The following DLC1 variants were observed in gnomAD, a reference collection of about 807,000 sequenced individuals.
DLC1 encodes the protein rho GTPase-activating protein 7.
DLC1 carries 54 observed loss-of-function variants against 140.3 expected under a neutral mutation model. That is an observed-to-expected ratio of 0.38 (90% CI 0.31 to 0.48). The LOEUF is 0.48. Among genes scored for constraint, DLC1 ranks in the 20% least tolerant of loss-of-function variants. The pLI is 0.96. For synonymous variants in DLC1, 986 were observed against 728.1 expected (o/e 1.35, Z -5.70); for missense variants, 2,536 against 1,907.0 (o/e 1.33, Z -6.14).
intron 5 of DLC1, among the ~76,000 whole-genome samples, chr8:13,136,693 T>A (rs888452688): frequency 6.6e-6 from 1 of 152,084 alleles, no homozygotes; most frequent in African/African-American, 2.4e-5. Flanking sequence ...TGCCACCACA[T>A]CTGGCTAATT....
chr8:13,163,157 C>G (rs1201670399), intron 5 of DLC1, among the ~76,000 whole-genome samples: 2 of 152,122 alleles, frequency 1.3e-5, no homozygotes, highest in Non-Finnish European at 2.9e-5. Context: ...TGTTACTTGG[C>G]TCATAGTCAG....
chr8:13,491,754 A>G (rs1165862235), intron 2 of DLC1, among the ~76,000 whole-genome samples: 5 of 152,164 alleles, frequency 3.3e-5, no homozygotes, highest in African/African-American at 9.7e-5. Flanking sequence ...TTAGCACAGA[A>G]CTAGCAGGCA....
chr8:13,518,223 C>T (rs1371836458), upstream of DLC1, among the ~76,000 whole-genome samples: 4 of 152,132 alleles, frequency 2.6e-5, no homozygotes, highest in African/African-American at 4.8e-5. Context: ...AATCTCCTGC[C>T]TCCATCTCCT....
intron 4 of DLC1, among the ~76,000 whole-genome samples, chr8:13,312,430 A>C (rs898720646): frequency 6.7e-6 from 1 of 150,096 alleles, no homozygotes; most frequent in African/African-American, 2.4e-5. Flanking sequence ...GAGCCCCATG[A>C]CTGGGCCACA....
intron 1 of DLC1, among the ~76,000 whole-genome samples, chr8:13,560,778 G>A (rs1453238610): frequency 6.6e-6 from 1 of 151,900 alleles, no homozygotes; most frequent in African/African-American, 2.4e-5. Flanking sequence ...GGGGGGGGAG[G>A]GAAAAAGGAA....
chr8:13,139,466 G>T (rs1822814008), intron 5 of DLC1, among the ~76,000 whole-genome samples: 1 of 152,100 alleles, frequency 6.6e-6, no homozygotes, highest in African/African-American at 2.4e-5. Flanking sequence ...CCCTAGAAAA[G>T]TCAGGGTATT....
At chr8:13,305,232 A>G in intron 5 of DLC1, 37 bp downstream of exon 5, 1 of 1,607,838 alleles carries the variant, frequency 6.2e-7, no homozygotes, top group East Asian at 2.2e-5. Context: ...ATTCTAAAAT[A>G]GATTGGCGAG....
intron 5 of DLC1, among the ~76,000 whole-genome samples, chr8:13,167,344 T>A (rs557000974): frequency 6.6e-6 from 1 of 152,046 alleles, no homozygotes; most frequent in Non-Finnish European, 1.5e-5. Flanking sequence ...ATATGAGGGG[T>A]TTGGGGACTC....
At chr8:13,406,270 A>T (rs936187164) in intron 2 of DLC1, among the ~76,000 whole-genome samples, 5 of 140,846 alleles carry the variant, frequency 3.5e-5, no homozygotes, top group East Asian at 2.1e-4. Flanking sequence ...CGCCCACCTC[A>T]GCCTCCTGAA....
At position 13,170,707 on chromosome 8, in the gene DLC1, G is replaced by A. The variant is rs1329372805; in HGVS notation, c.1349-55050C>T. Among the ~76,000 whole-genome samples, 13 of 147,196 alleles carry A rather than the reference G, an allele frequency of 8.8e-5. 1 individual carries two copies. Among genetic ancestry groups the A allele is most frequent in the Admixed American group, 6.1e-4 (9 of 14,716 alleles). ...ATCGCGCCACTGCACTCCAGCCTGG[G>A]CGACAGAGCAAGACTCCATCTCAAA... On this transcript the variant is annotated intron_variant, in intron 5 of 17. Coordinates refer to ENST00000276297, the MANE Select transcript of DLC1 (RefSeq NM_182643.3).
At chr8:13,268,872 C>CTTTTTTT (rs57984324) in intron 5 of DLC1, among the ~76,000 whole-genome samples, 1 of 126,460 alleles carries the variant, frequency 7.9e-6, no homozygotes, top group African/African-American at 3.0e-5. Context: ...TGCTTCCTTC[C>CTTTTTTT]TTTTTTTTTT....
intron 1 of DLC1, among the ~76,000 whole-genome samples, chr8:13,570,219 T>C (rs1220670350): frequency 6.6e-6 from 1 of 152,098 alleles, no homozygotes; most frequent in African/African-American, 2.4e-5. Context: ...TATTCAAGCG[T>C]CTCTACATTA....
chr8:13,397,816 C>T (rs533440833), intron 3 of DLC1, among the ~76,000 whole-genome samples: 35 of 151,958 alleles, frequency 2.3e-4, no homozygotes, highest in African/African-American at 8.2e-4. Flanking sequence ...CTGAGCAACA[C>T]ATATTAAGCA....
At chr8:13,455,349 C>A (rs1386645760) in intron 2 of DLC1, among the ~76,000 whole-genome samples, 1 of 152,164 alleles carries the variant, frequency 6.6e-6, no homozygotes, top group Non-Finnish European at 1.5e-5. Flanking sequence ...TTCCTCTCCT[C>A]AAAGCACTCC....
At chr8:13,184,456 A>G (rs1274110950) in intron 5 of DLC1, among the ~76,000 whole-genome samples, 1 of 152,126 alleles carries the variant, frequency 6.6e-6, no homozygotes, top group Non-Finnish European at 1.5e-5. Flanking sequence ...ATTTCCCTCT[A>G]CACTCTGCTT....
intron 4 of DLC1, among the ~76,000 whole-genome samples, chr8:13,312,544 T>C (rs933764396): frequency 6.6e-6 from 1 of 151,932 alleles, no homozygotes; most frequent in Non-Finnish European, 1.5e-5. Flanking sequence ...CCTTCAGATA[T>C]ATTTTCATCT....
chr8:13,371,624 T>C (rs529787388), intron 4 of DLC1, among the ~76,000 whole-genome samples: 1 of 152,164 alleles, frequency 6.6e-6, no homozygotes, highest in East Asian at 1.9e-4. Flanking sequence ...CTTGGCATTC[T>C]ACATCAGGAA....
chr8:13,190,813 C>T (rs1445048570), intron 5 of DLC1, among the ~76,000 whole-genome samples: 1 of 152,070 alleles, frequency 6.6e-6, no homozygotes, highest in African/African-American at 2.4e-5. Flanking sequence ...ATGCTGACCT[C>T]ACCTAGAGAT....
intron 5 of DLC1, among the ~76,000 whole-genome samples, chr8:13,233,381 G>C (rs570894260): frequency 6.8e-6 from 1 of 146,866 alleles, no homozygotes; most frequent in East Asian, 2.0e-4. Context: ...GAAAACTCCG[G>C]TTTACAACCC....
Sources: gnomAD v4.1 joint callset for allele counts (sites outside exome capture counted in the v4.1 genomes callset) on GRCh38, gnomAD v4.1.1 for gene constraint, MANE v1.5 for transcripts, NCBI Gene and HGNC (gene_info 2026-07-23, HGNC 2026-07-21) for gene names.